Variants in ERCC6L2 observed in about 807,000 individuals in gnomAD.
ERCC6L2 encodes the protein DNA excision repair protein ERCC-6-like 2.
In ERCC6L2, 77 loss-of-function variants were observed where a neutral mutation model predicts 132.0. That is an observed-to-expected ratio of 0.58 (90% CI 0.49 to 0.71). The LOEUF (loss-of-function observed/expected upper bound fraction) is 0.71. ERCC6L2 is among the 30% of genes least tolerant of loss of function. The probability of loss-of-function intolerance (pLI) is 0.00; values close to 1 mark genes in which losing one functional copy is unlikely to be tolerated. For missense variants in ERCC6L2, 1,542 were observed against 1,837.6 expected (o/e 0.84, Z 2.94); for synonymous variants, 583 against 632.4 (o/e 0.92, Z 1.17).
chr9:95,910,276 ATTGT>A (rs939468167), intron 4 of ERCC6L2, among the ~76,000 whole-genome samples: 1 of 152,146 alleles, frequency 6.6e-6, no homozygotes, highest in Non-Finnish European at 1.5e-5. Context: ...TGCATTTATG[ATTGT>A]TATTTTTTCC....
At chr9:96,040,958 T>C (rs1834571099) in intron 20 of ERCC6L2, among the ~76,000 whole-genome samples, 2 of 152,248 alleles carry the variant, frequency 1.3e-5, no homozygotes, top group Admixed American at 1.3e-4. Context: ...GGGCCCCCTC[T>C]GCAGAGCTGG....
At position 95,972,313 on chromosome 9, in the gene ERCC6L2, C is replaced by T; in HGVS notation, c.2562C>T (p.Ile854=). ...CAAAACATCAGAAATTAGATAACAT[C>T]CTAAATCCAAAAGAAAAGCATATTT... ...GTSKHQKLDN[I]LNPKEKHIFY... Residue 854 remains isoleucine (I), a synonymous_variant, in exon 16 of 19, where the codon ATC becomes ATT. Transcript: ENST00000653738. 7.7e-7 allele frequency: 1 copy of T among 1,293,788 alleles called. No homozygotes were observed. Among genetic ancestry groups the T allele is most frequent in the Non-Finnish European group, 1.0e-6 (1 of 985,920 alleles). The allele number at this position is 1,293,788 out of a possible 1,614,324, so 80.1% of individuals were successfully genotyped here.
intron 16 of ERCC6L2, among the ~76,000 whole-genome samples, chr9:95,974,082 T>C (rs1057092326): frequency 3.3e-5 from 5 of 152,196 alleles, no homozygotes; most frequent in African/African-American, 1.2e-4. Flanking sequence ...GCACAAAATG[T>C]TTATTCTCTC....
chr9:95,962,067 C>T (rs1206685565), intron 13 of ERCC6L2, among the ~76,000 whole-genome samples: 1 of 151,956 alleles, frequency 6.6e-6, no homozygotes, highest in African/African-American at 2.4e-5. Context: ...ACAGCCAAAC[C>T]GTATCACCTA....
At chr9:95,906,825 G>A (rs1236780030) in intron 3 of ERCC6L2, 5 of 519,344 alleles carry the variant, frequency 9.6e-6, no homozygotes, top group Admixed American at 5.9e-5. Flanking sequence ...TTGGTAGGGG[G>A]AAATAAAAAA....
chr9:95,876,138 G>A, intron 1 of ERCC6L2, 54 bp downstream of exon 1: 1 of 1,505,104 alleles, frequency 6.6e-7, no homozygotes, highest in Non-Finnish European at 9.0e-7. Flanking sequence ...GCGTCGCGTT[G>A]GACCAGTTCT....
rs1832430539 is a variant in ERCC6L2, at chr9:95,971,917, A to G, written c.2182-16A>G. Reference sequence around the variant, plus strand: ...CTTGAGGTTTTCTGATGTTTTTGTCATTGTTTCTCCTATAGCCTAGACAGC... The same window carrying G: ...CTTGAGGTTTTCTGATGTTTTTGTCGTTGTTTCTCCTATAGCCTAGACAGC... On this transcript the variant is annotated splice_polypyrimidine_tract_variant and intron_variant, in intron 15 of 18. Coordinates refer to ENST00000653738, the MANE Select transcript of ERCC6L2 (RefSeq NM_020207.7). The G allele has an allele frequency of 8.0e-7, 1 of 1,249,556 alleles. No individual in the cohort carries two copies. The highest frequency in any genetic ancestry group is 1.4e-5 in the South Asian group (1 of 72,764). The allele number at this position is 1,249,556 out of a possible 1,614,324, so 77.4% of individuals were successfully genotyped here. A position where few individuals can be genotyped will look rare whatever the true frequency, so the allele number is the denominator to read the frequency against.
intron 12 of ERCC6L2, among the ~76,000 whole-genome samples, chr9:95,953,937 A>G (rs540082165): frequency 6.6e-6 from 1 of 152,308 alleles, no homozygotes; most frequent in Admixed American, 6.5e-5. Flanking sequence ...TTATTCAAGT[A>G]CATTTGGAAG....
At position 96,039,414 on chromosome 9, in the gene ERCC6L2, A is replaced by G. The variant is rs562613163; in HGVS notation, c.*1755+287A>G. 2.1e-4 allele frequency among the ~76,000 whole-genome samples: 32 copies of G among 152,216 alleles called. No individual in the cohort carries two copies. The South Asian group carries it at 6.4e-3, about 31-fold the overall frequency. ...TAAAGATGAGGGCTGAGGCGTAGAGAAGAGAGTGGAGTTTCCTGTTTGAGA... is the reference window on the plus strand; with the variant it reads ...TAAAGATGAGGGCTGAGGCGTAGAGGAGAGAGTGGAGTTTCCTGTTTGAGA... On this transcript the variant is annotated intron_variant and NMD_transcript_variant, in intron 20 of 20. Coordinates refer to the ERCC6L2 transcript ENST00000670016.
intron 16 of ERCC6L2, among the ~76,000 whole-genome samples, chr9:95,974,879 T>C (rs1170537700): frequency 6.6e-6 from 1 of 152,160 alleles, no homozygotes; most frequent in Non-Finnish European, 1.5e-5. Context: ...ATACTTAATT[T>C]GAGAGTATAG....
intron 3 of ERCC6L2, among the ~76,000 whole-genome samples, chr9:95,901,046 C>T (rs1335622555): frequency 6.7e-6 from 1 of 149,818 alleles, no homozygotes; most frequent in East Asian, 2.0e-4. Context: ...TGCACTCCAG[C>T]TTGGGTGACA....
chr9:95,993,977 G>A (rs972400805), intron 17 of ERCC6L2, among the ~76,000 whole-genome samples: 1 of 152,206 alleles, frequency 6.6e-6, no homozygotes, highest in Admixed American at 6.5e-5. Context: ...TCTGCAGATA[G>A]TGAGTTAAGA....
intron 2 of ERCC6L2, among the ~76,000 whole-genome samples, chr9:95,896,308 C>T (rs1828455105): frequency 6.6e-6 from 1 of 151,952 alleles, no homozygotes; most frequent in South Asian, 2.1e-4. Flanking sequence ...TTTATTATCA[C>T]TTTGAAAATA....
Position 95,972,113 on chromosome 9 carries a change from C to T in ERCC6L2, c.2362C>T (p.Leu788Phe), listed in dbSNP as rs1298340462. 1 of 1,304,228 alleles carries T rather than the reference C, an allele frequency of 7.7e-7. No individual in the cohort carries two copies. Among genetic ancestry groups the T allele is most frequent in the South Asian group, 1.2e-5 (1 of 81,022 alleles). 80.8% of individuals were successfully genotyped at this position (1,304,228 alleles called of 1,614,324 possible). A position where few individuals can be genotyped will look rare whatever the true frequency, so the allele number is the denominator to read the frequency against. ...TAAAGCTTCCAGCTCTCCAGGACAG[C>T]TTACCTTACTCCAGTGTGGTTTCTC... The part of the protein sequence containing the change: ...SSKASSSPGQ[L>F]TLLQCGFSKL... The change falls in exon 16 of 19, where the codon CTT becomes TTT. Residue 788 changes from leucine (L) to phenylalanine (F), a missense_variant. Transcript: ENST00000653738.
intron 19 of ERCC6L2, among the ~76,000 whole-genome samples, chr9:96,035,761 A>G (rs1259522905): frequency 6.6e-6 from 1 of 152,188 alleles, no homozygotes; most frequent in Non-Finnish European, 1.5e-5. Flanking sequence ...GGATGTAGGA[A>G]CACTGGACAA....
chr9:95,978,585 C>A (rs1018880298), intron 17 of ERCC6L2, among the ~76,000 whole-genome samples: 2 of 152,084 alleles, frequency 1.3e-5, no homozygotes, highest in African/African-American at 4.8e-5. Flanking sequence ...AATTTTTCAC[C>A]TAAAATGAAG....
chr9:95,923,453 C>T, intron 9 of ERCC6L2, 74 bp downstream of exon 9: 1 of 1,533,234 alleles, frequency 6.5e-7, no homozygotes, highest in Non-Finnish European at 8.9e-7. Context: ...ACAGAGACAC[C>T]AACTAATCAG....
At chr9:95,895,728 C>CTTT (rs10711041) in intron 2 of ERCC6L2, among the ~76,000 whole-genome samples, 44 of 135,028 alleles carry the variant, frequency 3.3e-4, no homozygotes, top group East Asian at 1.3e-3. Flanking sequence ...GTTGTCATAG[C>CTTT]TTTTTTTTTT....
intron 12 of ERCC6L2, among the ~76,000 whole-genome samples, chr9:95,950,425 T>C (rs536815448): frequency 6.6e-6 from 1 of 152,264 alleles, no homozygotes. Flanking sequence ...TGGAGGAATT[T>C]AGGGGCAAAA....
Sources: allele counts gnomAD v4.1 joint callset (sites outside exome capture counted in the v4.1 genomes callset), GRCh38; gene constraint gnomAD v4.1.1; transcripts MANE v1.5; gene names NCBI Gene and HGNC (gene_info 2026-07-23, HGNC 2026-07-21).